LANCL3: variants seen among roughly 807,000 people sequenced by gnomAD.
The protein encoded by LANCL3 is LanC like family member 3.
In LANCL3, 19 loss-of-function variants were observed where a neutral mutation model predicts 26.5. The observed-to-expected ratio is 0.72, with a 90% CI of 0.50 to 1.05. LANCL3 has a LOEUF of 1.05. Ranked by LOEUF, LANCL3 falls within the 50% of genes least tolerant of loss-of-function variation. The pLI is 0.00. For synonymous variants in LANCL3, 160 were observed against 166.6 expected, an observed-to-expected ratio of 0.96 and a Z score of 0.30; for missense variants, 318 against 362.7, an observed-to-expected ratio of 0.88 and a Z score of 1.00.
intron 1 of LANCL3, among the ~76,000 whole-genome samples, chrX:37,572,939 G>C (rs1167289924): frequency 8.9e-6 from 1 of 112,000 alleles, no homozygotes; most frequent in Non-Finnish European, 1.9e-5. Flanking sequence ...TGTGTTTACT[G>C]TTTTGCTTAC....
intron 1 of LANCL3, among the ~76,000 whole-genome samples, chrX:37,579,621 C>T (rs1470435635): frequency 9.0e-6 from 1 of 111,617 alleles, no homozygotes; most frequent in Non-Finnish European, 1.9e-5. Flanking sequence ...CGGATGTCTG[C>T]TGGTAACTGA....
intron 1 of LANCL3, among the ~76,000 whole-genome samples, chrX:37,628,523 T>C (rs1925380473): frequency 9.3e-6 from 1 of 107,500 alleles, no homozygotes; most frequent in African/African-American, 3.4e-5. Flanking sequence ...TGTATACATG[T>C]GCCATGCTGG....
In LANCL3 at chrX:37,655,734, A is replaced by G; in HGVS notation, c.620A>G (p.Asp207Gly). 8.3e-7 allele frequency: 1 copy of G among 1,202,776 alleles called. No homozygotes were observed. Among genetic ancestry groups the G allele is most frequent in the Non-Finnish European group, 1.1e-6 (1 of 888,238 alleles). Residue 207 changes from aspartate to glycine, a missense_variant, in exon 2 of 5, where the codon GAC (aspartate) becomes GGC (glycine). Asp to Gly is a moderately conservative substitution (Grantham distance 94, BLOSUM62 -1). Transcript: ENST00000378619. ...AAGTCAATTTGTCAGGCAATTCTGG[A>G]CTCTGGGAAGCAGTATGCCATAAAG... is the stretch of plus-strand genomic sequence containing the variant. ...QIKSICQAIL[D>G]SGKQYAIKKR...
intron 1 of LANCL3, among the ~76,000 whole-genome samples, chrX:37,589,978 C>G: frequency 8.9e-6 from 1 of 112,601 alleles, no homozygotes; most frequent in Non-Finnish European, 1.9e-5. Flanking sequence ...GTGAATTACT[C>G]TGCACTTCCT....
At chrX:37,579,482 G>C (rs1438350703) in intron 1 of LANCL3, among the ~76,000 whole-genome samples, 1 of 111,436 alleles carries the variant, frequency 9.0e-6, no homozygotes, top group Non-Finnish European at 1.9e-5. Context: ...TGGAAAAAGG[G>C]ATGATTCATG....
At chrX:37,671,255 T>C (rs782637114) in intron 4 of LANCL3, among the ~76,000 whole-genome samples, 3 of 111,072 alleles carry the variant, frequency 2.7e-5, no homozygotes, top group Admixed American at 9.6e-5. Context: ...TTCCACTACA[T>C]GGTTCTTCTC....
chrX:37,650,914 G>T (rs112139304), intron 1 of LANCL3, among the ~76,000 whole-genome samples: 943 of 81,044 alleles, frequency 0.012, 17 homozygotes, highest in African/African-American at 0.046. Context: ...AGTGTGTGAT[G>T]TTCCCCACCT....
chrX:37,625,237 C>G (rs1556422843), intron 1 of LANCL3, among the ~76,000 whole-genome samples: 1 of 111,691 alleles, frequency 9.0e-6, no homozygotes, highest in Non-Finnish European at 1.9e-5. Context: ...ACAAATATCC[C>G]TAAATCTCAG....
At chrX:37,639,291 A>G (rs192029123) in intron 1 of LANCL3, among the ~76,000 whole-genome samples, 8 of 103,185 alleles carry the variant, frequency 7.8e-5, no homozygotes, top group Admixed American at 2.1e-4. Flanking sequence ...ATGTGTGTGT[A>G]TATGTATATT....
chrX:37,638,656 A>G (rs1925776507), intron 1 of LANCL3, among the ~76,000 whole-genome samples: 1 of 111,941 alleles, frequency 8.9e-6, no homozygotes, highest in Non-Finnish European at 1.9e-5. Context: ...TAGTTTACAT[A>G]TAGCAAAATG....
At chrX:37,642,252 G>A (rs1412697895) in intron 1 of LANCL3, among the ~76,000 whole-genome samples, 2 of 112,216 alleles carry the variant, frequency 1.8e-5, no homozygotes, top group Non-Finnish European at 3.8e-5. Flanking sequence ...AAATTGCTTT[G>A]CAGGGTAGTG....
chrX:37,574,888 G>GGTGTGT (rs781868476), intron 1 of LANCL3, among the ~76,000 whole-genome samples: 3 of 100,894 alleles, frequency 3.0e-5, no homozygotes, highest in Non-Finnish European at 6.0e-5. Context: ...ACCTTGTATA[G>GGTGTGT]GTGTGTGTGT....
rs1926465402 is a variant in LANCL3 at position 37,663,333 on chromosome X, T to G, written c.895+3674T>G. Among the ~76,000 whole-genome samples, 4 of 111,903 alleles carry G rather than the reference T, an allele frequency of 3.6e-5. No individual in the cohort carries two copies. The Admixed American group carries it at 3.8e-4, about 11-fold the overall frequency. On this transcript the variant is annotated intron_variant, in intron 3 of 4. Transcript: ENST00000378619. Reference sequence around the variant, plus strand: ...TCTCAGAGGGGTTCCTCATGCTGCCTTCAGGTCCAGGGAAGGCTTCCTGGA... The same window carrying G: ...TCTCAGAGGGGTTCCTCATGCTGCCGTCAGGTCCAGGGAAGGCTTCCTGGA...
chrX:37,634,674 A>T (rs1737644551), intron 1 of LANCL3, among the ~76,000 whole-genome samples: 1 of 112,542 alleles, frequency 8.9e-6, no homozygotes, highest in Non-Finnish European at 1.9e-5. Context: ...TATTGGAAAA[A>T]TTTAAATATA....
intron 1 of LANCL3, among the ~76,000 whole-genome samples, chrX:37,583,801 C>A (rs2146710933): frequency 8.9e-6 from 1 of 111,887 alleles, no homozygotes; most frequent in African/African-American, 3.2e-5. Context: ...TAATTGAATA[C>A]CTTTTATTTC....
At chrX:37,586,139 G>A (rs781922718) in intron 1 of LANCL3, among the ~76,000 whole-genome samples, 11 of 112,015 alleles carry the variant, frequency 9.8e-5, no homozygotes, top group African/African-American at 3.6e-4. Flanking sequence ...CTCTCTTCTG[G>A]CTTGTAGAGT....
chrX:37,612,926 A>G (rs1924915772), intron 1 of LANCL3, among the ~76,000 whole-genome samples: 2 of 111,679 alleles, frequency 1.8e-5, no homozygotes, highest in East Asian at 2.8e-4. Context: ...TGGGCCTGCT[A>G]TCTTATAGCT....
intron 4 of LANCL3, among the ~76,000 whole-genome samples, chrX:37,672,247 C>G (rs1926700973): frequency 8.9e-6 from 1 of 111,794 alleles, no homozygotes; most frequent in Admixed American, 9.5e-5. Context: ...TATTTTCTGG[C>G]AGGCCAGTCC....
chrX:37,670,052 C>A (rs1435075317), intron 4 of LANCL3, among the ~76,000 whole-genome samples: 1 of 112,644 alleles, frequency 8.9e-6, no homozygotes, highest in Non-Finnish European at 1.9e-5. Context: ...GGACACTTGA[C>A]ATTTGTGTAA....
Sources: gnomAD v4.1 joint callset for allele counts (sites outside exome capture counted in the v4.1 genomes callset) on GRCh38, gnomAD v4.1.1 for gene constraint, MANE v1.5 for transcripts, NCBI Gene and HGNC (gene_info 2026-07-23, HGNC 2026-07-21) for gene names.